FAT1: variants seen among roughly 807,000 people sequenced by gnomAD.
The protein encoded by FAT1 is protocadherin Fat 1.
FAT1 carries 171 observed loss-of-function variants against 329.8 expected under a neutral mutation model. The ratio of observed to expected loss-of-function variants is 0.52; its 90% CI spans 0.46 to 0.59. The LOEUF (loss-of-function observed/expected upper bound fraction) is 0.59. Ranked by LOEUF, FAT1 falls within the 20% of genes least tolerant of loss-of-function variation. The pLI is 0.00. For synonymous variants in FAT1, 2,233 were observed against 2,228.6 expected, an observed-to-expected ratio of 1.00 and a Z score of -0.06; for missense variants, 5,672 against 5,774.4, an observed-to-expected ratio of 0.98 and a Z score of 0.57.
At position 186,621,516 on chromosome 4, in the gene FAT1, T is replaced by C. The variant is rs1228373867; in HGVS notation, c.5070A>G (p.Thr1690=). 3 of 1,613,918 alleles carry C rather than the reference T, an allele frequency of 1.9e-6. No homozygotes were observed. Among genetic ancestry groups the C allele is most frequent in the Non-Finnish European group, 2.5e-6 (3 of 1,179,888 alleles). ...ACACCACTGATGATTGACTATGGGCTGTAACCATCCCAACGAAACTCCCAA... is the reference window on the plus strand; with the variant it reads ...ACACCACTGATGATTGACTATGGGCCGTAACCATCCCAACGAAACTCCCAA... ...VSIGSFVGMV[T]AHSQSSVVYE... Residue 1690 remains threonine, a synonymous_variant, in exon 10 of 27, where the codon ACA becomes ACG. Transcript: ENST00000441802.
At chr4:186,613,083 C>A (rs1191876819) in intron 13 of FAT1, 26 bp downstream of exon 13, 11 of 1,529,448 alleles carry the variant, frequency 7.2e-6, no homozygotes, top group South Asian at 5.6e-5. Flanking sequence ...TGAGCAGCGT[C>A]AGGCAAGAGC....
At chr4:186,632,183 C>G (rs1407998145) in intron 7 of FAT1, among the ~76,000 whole-genome samples, 1 of 152,078 alleles carries the variant, frequency 6.6e-6, no homozygotes, top group African/African-American at 2.4e-5. Context: ...AGTTGGTGCA[C>G]GTGATATTTC....
intron 2 of FAT1, among the ~76,000 whole-genome samples, chr4:186,701,356 C>T (rs1397177241): frequency 6.6e-6 from 1 of 152,188 alleles, no homozygotes; most frequent in East Asian, 1.9e-4. Context: ...TCTGCCAAGA[C>T]ACAACTTCCA....
rs201477548 is a variant in FAT1, at chr4:186,588,854, T to C, written c.13505A>G (p.Gln4502Arg). The C allele has an allele frequency of 7.4e-5, 120 of 1,613,894 alleles. No individual in the cohort carries two copies. Among genetic ancestry groups the C allele is most frequent in the Non-Finnish European group, 1.0e-4 (118 of 1,179,908 alleles). ...ACTATTCTCACCAGTGCCTTTTGTT[T>C]GAGGTTCAGACATATCGAGGGGATA... is the stretch of plus-strand genomic sequence containing the variant. ...NFYPLDMSEP[Q>R]TKGTGENSTC... Residue 4502 changes from glutamine to arginine, a missense_variant, in exon 27 of 27, where the codon CAA (glutamine) becomes CGA (arginine). By Grantham distance (43) the Gln-to-Arg change is conservative. Transcript: ENST00000441802.
At chr4:186,661,827 C>T (rs1742186341) in intron 3 of FAT1, among the ~76,000 whole-genome samples, 1 of 152,114 alleles carries the variant, frequency 6.6e-6, no homozygotes, top group Non-Finnish European at 1.5e-5. Context: ...GGAACCCTCG[C>T]TTGGAGCTGG....
In FAT1 at chr4:186,708,275, G is replaced by A. The variant is rs2126695188; in HGVS notation, c.1553C>T (p.Ala518Val). ...VPFAIDHFTG[A>V]VSTSENLDYE... ...GTCCAGGTTTTCTGACGTACTCACGGCACCAGTGAAATGGTCAATCGCAAA... is the reference window on the plus strand; with the variant it reads ...GTCCAGGTTTTCTGACGTACTCACGACACCAGTGAAATGGTCAATCGCAAA... Residue 518 changes from alanine (A) to valine (V), a missense_variant, in exon 2 of 27, where the codon GCC becomes GTC. By Grantham distance (64) the Ala-to-Val change is moderately conservative. This residue lies in a region of FAT1 where 3,966 missense variants were observed against 3,915.2 expected (regional missense o/e 1.01). Transcript: ENST00000441802. 1 of 1,613,934 alleles carries A rather than the reference G, an allele frequency of 6.2e-7. No individual in the cohort carries two copies. The highest frequency in any genetic ancestry group is 1.1e-5 in the South Asian group (1 of 91,078).
intron 3 of FAT1, among the ~76,000 whole-genome samples, chr4:186,661,715 C>G (rs1017745520): frequency 6.6e-6 from 1 of 152,106 alleles, no homozygotes; most frequent in Non-Finnish European, 1.5e-5. Context: ...TTCTGTGAGC[C>G]GCTCCAATAA....
chr4:186,622,219 A>G (rs115374880), intron 9 of FAT1, among the ~76,000 whole-genome samples: 1,871 of 152,372 alleles, frequency 0.012, 39 homozygotes, highest in African/African-American at 0.043. Flanking sequence ...ATTTCGATTC[A>G]GTAAGAAATT....
chr4:186,690,341 T>C (rs1743694820), intron 2 of FAT1, among the ~76,000 whole-genome samples: 6 of 152,172 alleles, frequency 3.9e-5, no homozygotes, highest in Admixed American at 3.3e-4. Flanking sequence ...AAAAAAATTA[T>C]AACCAAAGTG....
rs943329724 is a variant in FAT1 at position 186,604,763 on chromosome 4, G to A, written c.10351-189C>T. Among the ~76,000 whole-genome samples, 6 of 145,458 alleles carry A rather than the reference G, an allele frequency of 4.1e-5. No homozygotes were observed. The South Asian group carries it at 1.2e-3, about 30-fold the overall frequency. On this transcript the variant is annotated intron_variant, in intron 17 of 26. Transcript: ENST00000441802. ...GAGGAGGAGGGAAAGGAGAAGGGGT[G>A]TAGCGAAAAGGGAAGAAAAAGGAGG...
intron 1 of FAT1, among the ~76,000 whole-genome samples, chr4:186,722,637 T>C (rs1004087408): frequency 1.3e-5 from 2 of 152,164 alleles, no homozygotes; most frequent in Non-Finnish European, 2.9e-5. Flanking sequence ...ACCAAACTCA[T>C]TAAGAATAGT....
chr4:186,655,636 T>G (rs1400038805), intron 3 of FAT1, among the ~76,000 whole-genome samples: 1 of 152,098 alleles, frequency 6.6e-6, no homozygotes, highest in Non-Finnish European at 1.5e-5. Flanking sequence ...TTTTGCCATG[T>G]TGGCCAAGCT....
At chr4:186,626,950 A>G (rs1232381031) in intron 9 of FAT1, among the ~76,000 whole-genome samples, 5 of 94,512 alleles carry the variant, frequency 5.3e-5, no homozygotes, top group African/African-American at 2.6e-4. Flanking sequence ...GAATGAATGA[A>G]TGAATGAATG....
chr4:186,631,311 G>A (rs929773281), intron 7 of FAT1, among the ~76,000 whole-genome samples: 3 of 150,788 alleles, frequency 2.0e-5, no homozygotes, highest in South Asian at 2.1e-4. Flanking sequence ...ATCCATCCCC[G>A]CGGTATCCTA....
rs774814395 is a variant in FAT1, at chr4:186,597,792, C to A, written c.12258G>T (p.Arg4086Ser). ...CTTTGCAGTATGGACTAAGCTGACA[C>A]CTGAAGAGTAAGGAGAAACAGACAT... Reference protein sequence around the residue: ...CQCRGLYTGQRCQLSPYCKDE... With the variant: ...CQCRGLYTGQSCQLSPYCKDE... The change falls in exon 24 of 27, where the codon AGG becomes AGT. Residue 4086 changes from arginine (R) to serine (S), a missense_variant and splice_region_variant. Coordinates refer to ENST00000441802, the MANE Select transcript of FAT1 (RefSeq NM_005245.4). 34 of 1,611,886 alleles carry A rather than the reference C, an allele frequency of 2.1e-5. 1 individual carries two copies. The South Asian group carries it at 3.5e-4, about 17-fold the overall frequency.
At chr4:186,669,956 G>C (rs1374287209) in intron 2 of FAT1, among the ~76,000 whole-genome samples, 1 of 152,194 alleles carries the variant, frequency 6.6e-6, no homozygotes, top group Non-Finnish European at 1.5e-5. Context: ...ATCAGGAAAG[G>C]CCAGCATTCC....
chr4:186,627,032 ATGAG>A (rs1560948362), intron 9 of FAT1, among the ~76,000 whole-genome samples: 4 of 79,856 alleles, frequency 5.0e-5, no homozygotes, highest in Admixed American at 1.3e-4. Flanking sequence ...GAATGAATGA[ATGAG>A]GGACCAACAT....
intron 22 of FAT1, among the ~76,000 whole-genome samples, chr4:186,599,659 G>A (rs953717060): frequency 6.6e-6 from 1 of 152,146 alleles, no homozygotes; most frequent in African/African-American, 2.4e-5. Context: ...CTCGGGCACT[G>A]GGAGGGCACT....
At chr4:186,717,972 C>T (rs327096) in intron 1 of FAT1, among the ~76,000 whole-genome samples, 45,368 of 152,092 alleles carry the variant, frequency 0.3, 7,867 homozygotes, top group African/African-American at 0.48. Flanking sequence ...TCTCCACAAA[C>T]AGAAGTAATT....
Sources: gnomAD v4.1 joint callset for allele counts (sites outside exome capture counted in the v4.1 genomes callset) on GRCh38, gnomAD v4.1.1 for gene constraint, gnomAD v4.1.1 regional missense constraint, MANE v1.5 for transcripts, NCBI Gene and HGNC (gene_info 2026-07-23, HGNC 2026-07-21) for gene names.